Variants in MUC4 observed in about 807,000 individuals in gnomAD.
MUC4 encodes mucin 4, cell surface associated, also known as mucin-4.
A neutral mutation model predicts 257.9 loss-of-function variants in MUC4; 202 were observed. The observed-to-expected ratio is 0.78, with a 90% CI of 0.70 to 0.88. The LOEUF is 0.88. Ranked by LOEUF, MUC4 falls within the 40% of genes least tolerant of loss-of-function variation. The probability of loss-of-function intolerance (pLI) is 0.00; values close to 1 mark genes in which losing one functional copy is unlikely to be tolerated. For synonymous variants in MUC4, 2,351 were observed against 2,757.1 expected (o/e 0.85, Z 4.62); for missense variants, 5,976 against 6,513.7 (o/e 0.92, Z 2.84).
Position 195,781,691 on chromosome 3 carries a change from G to T in MUC4, c.9889C>A (p.Leu3297Ile), listed in dbSNP as rs748913572. Residue 3297 changes from leucine to isoleucine, a missense_variant, in exon 2 of 25, where the codon CTT becomes ATT. Around this residue, in one of 44 missense-constraint regions of MUC4, gnomAD observed 51 missense variants for 66.9 expected, o/e 0.76. Coordinates refer to ENST00000463781, the MANE Select transcript of MUC4 (RefSeq NM_018406.7). The part of the protein sequence containing the change: ...SSSSTGDTTP[L>I]LVTETSSVST... ...ACTGAGGAAGTCTCGGTGACAAGAA[G>T]AGGGGTGGTGTCACCTGTGGATGAT... 1 of 1,371,138 alleles carries T rather than the reference G, an allele frequency of 7.3e-7. No individual in the cohort carries two copies. Among genetic ancestry groups the T allele is most frequent in the Admixed American group, 2.3e-5 (1 of 44,068 alleles). 84.9% of individuals were successfully genotyped at this position (1,371,138 alleles called of 1,614,324 possible).
At chr3:195,764,310 A>C in intron 10 of MUC4, 146 bp from the exon 11 acceptor site, 1 of 974,192 alleles carries the variant, frequency 1.0e-6, no homozygotes, top group Admixed American at 2.4e-5. Flanking sequence ...AGAGCTTGGC[A>C]GGGCAGGGCG....
intron 17 of MUC4, among the ~76,000 whole-genome samples, chr3:195,758,213 C>A (rs936506859): frequency 6.6e-6 from 1 of 152,166 alleles, no homozygotes; most frequent in South Asian, 2.1e-4. Flanking sequence ...ACGAAAGCAG[C>A]GTCCCTTGTG....
rs1460558268 is a variant in MUC4 at position 195,781,679 on chromosome 3, C to A, written c.9901G>T (p.Glu3301Ter). ...TGDTTPLLVTETSSVSTGHAT... is the reference protein window; with the variant it reads ...TGDTTPLLVT ...TGACCTGTGGATACTGAGGAAGTCT[C>A]GGTGACAAGAAGAGGGGTGGTGTCA... The change falls in exon 2 of 25, where the codon GAG becomes TAG. Residue 3301 changes from glutamate to a stop codon, truncating the protein, a stop_gained. Transcript: ENST00000463781. LOFTEE classifies it high-confidence loss of function. The A allele has an allele frequency of 1.6e-6, 2 of 1,290,008 alleles. No homozygotes were observed. Among genetic ancestry groups the A allele is most frequent in the Non-Finnish European group, 2.1e-6 (2 of 967,860 alleles). The allele number at this position is 1,290,008 out of a possible 1,614,324, so 79.9% of individuals were successfully genotyped here.
At chr3:195,796,245 GC>G (rs1363394000) in intron 1 of MUC4, among the ~76,000 whole-genome samples, 2 of 151,930 alleles carry the variant, frequency 1.3e-5, no homozygotes, top group Non-Finnish European at 2.9e-5. Flanking sequence ...ACCACGCCCG[GC>G]TAATTTTTGT....
In MUC4 at chr3:195,770,314, T is replaced by C. The variant is rs1350607241; in HGVS notation, c.13300A>G (p.Ile4434Val). ...SLLVQQAESWIRKMTNNGGYK... is the reference protein window; with the variant it reads ...SLLVQQAESWVRKMTNNGGYK... ...CCCCCGTTGTTTGTCATCTTTCTAA[T>C]CCAAGACTCGGCCTGCTGGACTAGC... The change falls in exon 6 of 25, where the codon ATT becomes GTT. Residue 4434 changes from isoleucine (I) to valine (V), a missense_variant. Ile to Val is a conservative substitution (Grantham distance 29). Transcript: ENST00000463781. 1 of 1,613,902 alleles carries C rather than the reference T, an allele frequency of 6.2e-7. No homozygotes were observed. The highest frequency in any genetic ancestry group is 8.5e-7 in the Non-Finnish European group (1 of 1,179,996).
intron 1 of MUC4, among the ~76,000 whole-genome samples, chr3:195,799,211 T>C (rs1734967229): frequency 6.8e-6 from 1 of 146,746 alleles, no homozygotes; most frequent in Non-Finnish European, 1.5e-5. Flanking sequence ...TGTGTGTTGC[T>C]AGTATGTATG....
chr3:195,751,297 G>A (rs367765274), intron 21 of MUC4, 26 bp from the exon 22 acceptor site: 170 of 1,567,480 alleles, frequency 1.1e-4, no homozygotes, highest in Admixed American at 5.3e-5. Context: ...GCAGATGGGG[G>A]TGGGGGTGAG....
At chr3:195,801,839 G>A (rs1156875317) in intron 1 of MUC4, among the ~76,000 whole-genome samples, 1 of 151,624 alleles carries the variant, frequency 6.6e-6, no homozygotes, top group Non-Finnish European at 1.5e-5. Flanking sequence ...CTCCCTGGCC[G>A]GCGGCCCCGT....
rs963188177 is a variant in MUC4 at position 195,762,008 on chromosome 3, C to A, written c.14512+79G>T. Reference sequence around the variant, plus strand: ...GCGGAGAAAGGGAGGCCGAGCAGGGCTGCCCGGGCCGCCGGCGTGGGGGTC... The same window carrying A: ...GCGGAGAAAGGGAGGCCGAGCAGGGATGCCCGGGCCGCCGGCGTGGGGGTC... On this transcript the variant is annotated intron_variant, in intron 14 of 24. Transcript: ENST00000463781. 8.2e-6 allele frequency: 12 copies of A among 1,460,060 alleles called. No homozygotes were observed. In the African/African-American group the frequency reaches 1.5e-4, roughly 19 times the overall value. The allele number at this position is 1,460,060 out of a possible 1,614,324, so 90.4% of individuals were successfully genotyped here.
chr3:195,762,002 G>C (rs1402153824), intron 14 of MUC4, 85 bp downstream of exon 14: 11 of 1,425,086 alleles, frequency 7.7e-6, no homozygotes, highest in Non-Finnish European at 1.0e-5. Context: ...GGGAGGCCGA[G>C]CAGGGCTGCC....
chr3:195,775,056 C>G (rs1724040328), intron 3 of MUC4, among the ~76,000 whole-genome samples: 1 of 152,070 alleles, frequency 6.6e-6, no homozygotes, highest in South Asian at 2.1e-4. Context: ...TAGAGGCCCT[C>G]GGGCTCCAGT....
intron 16 of MUC4, 83 bp downstream of exon 16, chr3:195,760,801 C>T (rs1489816384): frequency 1.8e-6 from 2 of 1,138,838 alleles, no homozygotes; most frequent in African/African-American, 1.5e-5. Flanking sequence ...TGCAGATGCA[C>T]AGGGAAAAGC....
chr3:195,799,316 A>AT (rs1210316743), intron 1 of MUC4, among the ~76,000 whole-genome samples: 1 of 149,754 alleles, frequency 6.7e-6, no homozygotes, highest in African/African-American at 2.5e-5. Context: ...GCCTTTAAAC[A>AT]TTTTTTTTTC....
chr3:195,790,377 G>A lies in MUC4; in HGVS notation c.1203C>T (p.Asp401=), dbSNP rs746352097. The change falls in exon 2 of 25, where the codon GAC becomes GAT. Residue 401 remains aspartate (D), a synonymous_variant. Coordinates refer to ENST00000463781, the MANE Select transcript of MUC4 (RefSeq NM_018406.7). ...SKVFRMPTSR[D]STLGNTEETS... Reference sequence around the variant, plus strand: ...TCTCCTCTGTGTTTCCAAGAGTAGAGTCTCTGGAGGTTGGCATTCTGAACA... The same window carrying A: ...TCTCCTCTGTGTTTCCAAGAGTAGAATCTCTGGAGGTTGGCATTCTGAACA... 3.7e-6 allele frequency: 6 copies of A among 1,613,684 alleles called. No individual in the cohort carries two copies. The highest frequency in any genetic ancestry group is 1.6e-4 in the Middle Eastern group (1 of 6,084).
chr3:195,796,095 A>T (rs1387222974), intron 1 of MUC4, among the ~76,000 whole-genome samples: 3 of 152,000 alleles, frequency 2.0e-5, no homozygotes, highest in South Asian at 2.1e-4. Context: ...TTATTTATTT[A>T]TTTTTTTGAA....
intron 24 of MUC4, among the ~76,000 whole-genome samples, chr3:195,748,129 C>T (rs1442500852): frequency 2.0e-5 from 3 of 152,280 alleles, no homozygotes; most frequent in African/African-American, 7.2e-5. Flanking sequence ...TGTTAACCAG[C>T]GGAGCCCCGG....
Position 195,755,410 on chromosome 3 carries a change from G to C in MUC4, c.15169-1038C>G, listed in dbSNP as rs569045929. On this transcript the variant is annotated intron_variant, in intron 18 of 24. Transcript: ENST00000463781. This position sits in a 1 kb window ranked among gnomAD's most constrained non-coding sequence, Gnocchi z 5.0. The stretch of plus-strand genomic sequence containing the variant: ...AGGGTCTTGCCATATTGCCCAGGCT[G>C]GTCTCAAAGTCCTGAGCTCAAGCAA... Among the ~76,000 whole-genome samples, 1 of 152,152 alleles carries C rather than the reference G, an allele frequency of 6.6e-6. No individual in the cohort carries two copies. Among genetic ancestry groups the C allele is most frequent in the South Asian group, 2.1e-4 (1 of 4,806 alleles).
chr3:195,805,440 C>A (rs1272073988), intron 1 of MUC4, among the ~76,000 whole-genome samples: 2 of 152,180 alleles, frequency 1.3e-5, no homozygotes, highest in Non-Finnish European at 2.9e-5. Context: ...CAGTCTCCAC[C>A]ATCTTGGTGT....
intron 1 of MUC4, among the ~76,000 whole-genome samples, chr3:195,811,140 ATTTTATATTTAT>A (rs1325217374): frequency 5.5e-5 from 8 of 144,764 alleles, no homozygotes; most frequent in African/African-American, 1.8e-4. Flanking sequence ...TTTTTATTTT[ATTTTATATTTAT>A]TTATTTATTT....
Sources: gnomAD v4.1 joint callset for allele counts (sites outside exome capture counted in the v4.1 genomes callset) on GRCh38, gnomAD v4.1.1 for gene constraint, gnomAD v4.1.1 regional missense constraint, Gnocchi (gnomAD v3.1) non-coding constraint, MANE v1.5 for transcripts, NCBI Gene and HGNC (gene_info 2026-07-23, HGNC 2026-07-21) for gene names.